Variants in DPYD observed in about 807,000 individuals in gnomAD.
The protein encoded by DPYD is dihydropyrimidine dehydrogenase [NADP(+)].
Under a neutral mutation model 116.2 loss-of-function variants are expected in DPYD, and 109 were observed. The observed-to-expected ratio is 0.94, with a 90% CI of 0.80 to 1.10. DPYD has a LOEUF of 1.10. Among genes scored for constraint, DPYD ranks in the 50% least tolerant of loss-of-function variants. The probability of loss-of-function intolerance (pLI) is 0.00; values close to 1 mark genes in which losing one functional copy is unlikely to be tolerated. For missense variants in DPYD, 1,302 were observed against 1,254.5 expected (o/e 1.04, Z -0.57); for synonymous variants, 440 against 432.0 (o/e 1.02, Z -0.23).
At chr1:97,357,928 T>C (rs1670504914) in intron 16 of DPYD, among the ~76,000 whole-genome samples, 1 of 152,192 alleles carries the variant, frequency 6.6e-6, no homozygotes, top group Non-Finnish European at 1.5e-5. Flanking sequence ...CTGAGGTACC[T>C]GGTTCATCTC....
At chr1:97,203,662 A>ACCG (rs1659373637) in intron 19 of DPYD, among the ~76,000 whole-genome samples, 1 of 21,586 alleles carries the variant, frequency 4.6e-5, no homozygotes, top group South Asian at 3.1e-3. Flanking sequence ...ATGAGTTCAG[A>ACCG]CCCCCCCCCC....
At chr1:97,720,151 C>T (rs1310755520) in intron 5 of DPYD, 2 of 682,170 alleles carry the variant, frequency 2.9e-6, no homozygotes, top group South Asian at 6.9e-5. Context: ...CTCTCTCTTT[C>T]TCTCTCTCTC....
intron 16 of DPYD, among the ~76,000 whole-genome samples, chr1:97,367,724 G>A (rs1229525537): frequency 6.6e-6 from 1 of 152,040 alleles, no homozygotes; most frequent in African/African-American, 2.4e-5. Context: ...TACTAAATGA[G>A]TGTATACTAA....
intron 8 of DPYD, among the ~76,000 whole-genome samples, chr1:97,637,322 T>C (rs1014521447): frequency 2.6e-5 from 4 of 152,144 alleles, no homozygotes; most frequent in Admixed American, 2.6e-4. Flanking sequence ...CTTCCCCCAC[T>C]CCCCTACTAA....
In DPYD at chr1:97,919,133, T is replaced by C. The variant is rs576459811; in HGVS notation, c.39+1751A>G. 3.3e-5 allele frequency among the ~76,000 whole-genome samples: 5 copies of C among 152,342 alleles called. No individual in the cohort carries two copies. In the East Asian group the frequency reaches 7.7e-4, roughly 23 times the overall value. On this transcript the variant is annotated intron_variant, in intron 1 of 22. Transcript: ENST00000370192. ...TCATGCTCTTTCATGGTATTCTAGC[T>C]CATGAATCACGGGTATTACTTTGAG...
chr1:97,458,228 G>T (rs1676805698), intron 13 of DPYD, among the ~76,000 whole-genome samples: 1 of 152,052 alleles, frequency 6.6e-6, no homozygotes, highest in African/African-American at 2.4e-5. Flanking sequence ...TTACTTTTAA[G>T]AAAACTTGTG....
At chr1:97,126,731 G>A (rs1652873454) in intron 20 of DPYD, among the ~76,000 whole-genome samples, 1 of 152,130 alleles carries the variant, frequency 6.6e-6, no homozygotes, top group Admixed American at 6.6e-5. Context: ...ACAGACAACT[G>A]TTCAAATACA....
At chr1:97,229,231 A>AT (rs1374084784) in intron 19 of DPYD, among the ~76,000 whole-genome samples, 2 of 149,118 alleles carry the variant, frequency 1.3e-5, no homozygotes, top group Non-Finnish European at 1.5e-5. Context: ...AAAAAAAAAA[A>AT]AGAATTTGAT....
intron 13 of DPYD, among the ~76,000 whole-genome samples, chr1:97,505,356 G>T (rs985713240): frequency 6.6e-6 from 1 of 151,762 alleles, no homozygotes; most frequent in African/African-American, 2.4e-5. Flanking sequence ...ACATTATGCT[G>T]CATCTTACAT....
chr1:97,079,962 C>G (rs1649041030), intron 22 of DPYD, among the ~76,000 whole-genome samples: 1 of 151,826 alleles, frequency 6.6e-6, no homozygotes, highest in South Asian at 2.1e-4. Flanking sequence ...AAATTCAGGA[C>G]CGAGTTTTTT....
At chr1:97,192,535 T>C (rs1324730681) in intron 20 of DPYD, among the ~76,000 whole-genome samples, 2 of 152,198 alleles carry the variant, frequency 1.3e-5, no homozygotes, top group African/African-American at 2.4e-5. Context: ...CACTGTATTA[T>C]AGAAAACGTA....
intron 3 of DPYD, among the ~76,000 whole-genome samples, chr1:97,789,547 T>C (rs1667210895): frequency 6.6e-6 from 1 of 152,194 alleles, no homozygotes; most frequent in African/African-American, 2.4e-5. Context: ...ATTTTAGGCT[T>C]TCACCCTCAG....
chr1:97,275,875 A>G (rs949561394), intron 18 of DPYD, among the ~76,000 whole-genome samples: 4 of 152,106 alleles, frequency 2.6e-5, no homozygotes, highest in African/African-American at 9.7e-5. Context: ...ATGGCTTATC[A>G]TGCCTTCTCC....
chr1:97,269,991 A>T (rs926794613), intron 18 of DPYD, among the ~76,000 whole-genome samples: 8 of 152,164 alleles, frequency 5.3e-5, no homozygotes, highest in Admixed American at 3.9e-4. Flanking sequence ...ATGTCACATC[A>T]TTTGGCTCAA....
rs145466857 is a variant in DPYD, at chr1:97,362,264, C to A, written c.2058+11297G>T. On this transcript the variant is annotated intron_variant, in intron 16 of 22. Transcript: ENST00000370192. ...TTACAAGGGATGTGAAGGACCTCTT[C>A]AAGGAGAACTACAAACCACTGCTCA... 8.0e-3 allele frequency among the ~76,000 whole-genome samples: 1,219 copies of A among 152,250 alleles called. 8 individuals are homozygous for A. The highest frequency in any genetic ancestry group is 0.014 in the Non-Finnish European group (932 of 68,020).
chr1:97,851,504 C>G (rs1670566278), intron 2 of DPYD, among the ~76,000 whole-genome samples: 1 of 151,728 alleles, frequency 6.6e-6, no homozygotes, highest in African/African-American at 2.4e-5. Flanking sequence ...CACGGAAATT[C>G]AAGAAAATAT....
intron 14 of DPYD, among the ~76,000 whole-genome samples, chr1:97,386,895 ATAAT>A (rs1672379058): frequency 6.6e-6 from 1 of 152,048 alleles, no homozygotes; most frequent in African/African-American, 2.4e-5. Context: ...TATTTATTTG[ATAAT>A]TAGGAAGCCC....
At chr1:97,118,736 G>A (rs759876202) in intron 20 of DPYD, among the ~76,000 whole-genome samples, 23 of 152,148 alleles carry the variant, frequency 1.5e-4, no homozygotes, top group Middle Eastern at 3.4e-3. Flanking sequence ...TTTTACTGTC[G>A]ACTCAGAAGT....
chr1:97,240,147 C>T (rs562982267), intron 18 of DPYD, among the ~76,000 whole-genome samples: 1 of 152,060 alleles, frequency 6.6e-6, no homozygotes, highest in South Asian at 2.1e-4. Flanking sequence ...CTTTTCCTAA[C>T]AGCTGTCATT....
Sources: gnomAD v4.1 joint callset for allele counts (sites outside exome capture counted in the v4.1 genomes callset) on GRCh38, gnomAD v4.1.1 for gene constraint, MANE v1.5 for transcripts, NCBI Gene and HGNC (gene_info 2026-07-23, HGNC 2026-07-21) for gene names.